Variants in OSBPL10 observed in about 807,000 individuals in gnomAD.
OSBPL10 encodes oxysterol binding protein like 10, also known as oxysterol-binding protein-related protein 10.
In OSBPL10, 49 loss-of-function variants were observed where a neutral mutation model predicts 81.7. That is an observed-to-expected ratio of 0.60 (90% CI 0.48 to 0.76). The LOEUF (loss-of-function observed/expected upper bound fraction) is 0.76, where lower values mean the gene tolerates loss of function less well. Ranked by LOEUF, OSBPL10 falls within the 30% of genes least tolerant of loss-of-function variation. OSBPL10 has a pLI of 0.00. For synonymous variants in OSBPL10, 419 were observed against 383.6 expected (o/e 1.09, Z -1.08); for missense variants, 923 against 987.8 (o/e 0.93, Z 0.88).
At chr3:31,856,654 A>T (rs1369267058) in intron 3 of OSBPL10, among the ~76,000 whole-genome samples, 1 of 152,248 alleles carries the variant, frequency 6.6e-6, no homozygotes, top group Non-Finnish European at 1.5e-5. Flanking sequence ...GAGATGCAGC[A>T]TATCTTACTT....
intron 4 of OSBPL10, among the ~76,000 whole-genome samples, chr3:31,779,557 A>G (rs981569692): frequency 3.3e-5 from 5 of 152,236 alleles, no homozygotes; most frequent in African/African-American, 9.6e-5. Flanking sequence ...AAATTTATAA[A>G]ACAATTATTA....
chr3:31,787,402 C>T (rs1698886296), intron 4 of OSBPL10, among the ~76,000 whole-genome samples: 1 of 152,044 alleles, frequency 6.6e-6, no homozygotes, highest in Non-Finnish European at 1.5e-5. Context: ...CCAGACCAGC[C>T]TGGCCAATAT....
intron 4 of OSBPL10, among the ~76,000 whole-genome samples, chr3:31,820,509 C>T (rs1031660643): frequency 1.3e-5 from 2 of 151,832 alleles, no homozygotes; most frequent in African/African-American, 4.8e-5. Flanking sequence ...GCAGAAGAAT[C>T]GCTTAAATCC....
At chr3:32,045,128 G>T (rs186891547) in intron 2 of OSBPL10, among the ~76,000 whole-genome samples, 1 of 152,168 alleles carries the variant, frequency 6.6e-6, no homozygotes, top group African/African-American at 2.4e-5. Context: ...TGGCATAGTG[G>T]GTGGGGCCAT....
At chr3:31,923,358 G>A (rs887521991) in intron 1 of OSBPL10, among the ~76,000 whole-genome samples, 8 of 152,214 alleles carry the variant, frequency 5.3e-5, no homozygotes, top group Admixed American at 4.6e-4. Flanking sequence ...CAGAGTGAAA[G>A]TTGTCAGTTT....
At chr3:31,769,435 A>C (rs1399551790) in intron 4 of OSBPL10, among the ~76,000 whole-genome samples, 2 of 121,514 alleles carry the variant, frequency 1.6e-5, no homozygotes, top group Non-Finnish European at 3.5e-5. Context: ...ACAAGAGCAA[A>C]ACTCCATCTC....
intron 1 of OSBPL10, among the ~76,000 whole-genome samples, chr3:31,925,472 C>T (rs1437265969): frequency 1.5e-5 from 2 of 136,628 alleles, no homozygotes; most frequent in Non-Finnish European, 3.1e-5. Flanking sequence ...TTAAATTCAT[C>T]ATGCAAAGCA....
intron 3 of OSBPL10, among the ~76,000 whole-genome samples, chr3:31,874,053 T>C (rs1239437739): frequency 1.3e-5 from 2 of 152,108 alleles, no homozygotes; most frequent in East Asian, 3.8e-4. Flanking sequence ...TCAGTATTCC[T>C]GAAGCTAACC....
At chr3:31,852,161 A>C (rs911968291) in intron 3 of OSBPL10, among the ~76,000 whole-genome samples, 1 of 152,136 alleles carries the variant, frequency 6.6e-6, no homozygotes, top group Non-Finnish European at 1.5e-5. Flanking sequence ...CAGTTTCCTC[A>C]TCTGCAGAAA....
chr3:31,788,775 C>T (rs1298130394), intron 4 of OSBPL10, among the ~76,000 whole-genome samples: 4 of 150,420 alleles, frequency 2.7e-5, no homozygotes, highest in African/African-American at 9.8e-5. Flanking sequence ...GAGACCTTGC[C>T]TCTAAAAAAA....
intron 4 of OSBPL10, among the ~76,000 whole-genome samples, chr3:31,828,743 G>A (rs1429528251): frequency 6.6e-6 from 1 of 152,144 alleles, no homozygotes; most frequent in Non-Finnish European, 1.5e-5. Context: ...ATGTTGGCCA[G>A]GCTGCTCTCG....
intron 1 of OSBPL10, among the ~76,000 whole-genome samples, chr3:31,949,662 T>C (rs2125442214): frequency 1.5e-5 from 1 of 67,482 alleles, no homozygotes; most frequent in Admixed American, 2.5e-4. Context: ...AGCAAGACTC[T>C]GTCTCAAAAA....
chr3:32,011,874 CGAGAA>C (rs1169354777), intron 2 of OSBPL10, among the ~76,000 whole-genome samples: 2 of 151,588 alleles, frequency 1.3e-5, no homozygotes, highest in Non-Finnish European at 1.5e-5. Flanking sequence ...TGAAATGAAG[CGAGAA>C]GAGAAGTCAG....
At position 32,065,124 on chromosome 3, in the gene OSBPL10, A is replaced by G. The variant is rs959529268; in HGVS notation, n.185+12272T>C. The G allele has an allele frequency of 1.3e-4, 12 of 92,672 alleles. 1 individual carries two copies. Among genetic ancestry groups the G allele is most frequent in the African/African-American group, 3.3e-4 (12 of 36,050 alleles). 5.7% of individuals were successfully genotyped at this position (92,672 alleles called of 1,614,324 possible). On this transcript the variant is annotated intron_variant and non_coding_transcript_variant, in intron 1 of 3. Transcript: ENST00000479173. ...TGTTCAATTCTGACTGTTTCATTTCACTGGATATGATGGCTTTTTACATGG... is the reference window on the plus strand; with the variant it reads ...TGTTCAATTCTGACTGTTTCATTTCGCTGGATATGATGGCTTTTTACATGG...
In OSBPL10 at chr3:31,769,445, C is replaced by CAAA. The variant is rs1213069221; in HGVS notation, c.730-21328_730-21326dup. Among the ~76,000 whole-genome samples, 32 of 10,832 alleles carry CAAA rather than the reference C, an allele frequency of 3.0e-3. 4 individuals carry two copies. Among genetic ancestry groups the CAAA allele is most frequent in the Non-Finnish European group, 4.7e-3 (18 of 3,822 alleles). 7.1% of individuals were successfully genotyped at this position (10,832 alleles called of 152,430 possible). ...GGGCAACAAGAGCAAAACTCCATCT[C>CAAA]AAAAAAAAAAAAACAAAAAAAAAAC... On this transcript the variant is annotated intron_variant, in intron 4 of 11. Transcript: ENST00000396556.
chr3:31,942,179 G>A (rs1385536840), intron 1 of OSBPL10, among the ~76,000 whole-genome samples: 1 of 152,162 alleles, frequency 6.6e-6, no homozygotes, highest in African/African-American at 2.4e-5. Flanking sequence ...GGAGGCTGAG[G>A]TAGAACAATG....
At chr3:31,943,605 A>G (rs2125429032) in intron 1 of OSBPL10, among the ~76,000 whole-genome samples, 1 of 152,316 alleles carries the variant, frequency 6.6e-6, no homozygotes, top group East Asian at 1.9e-4. Flanking sequence ...ACATACATGG[A>G]TATTTTAACT....
intron 1 of OSBPL10, among the ~76,000 whole-genome samples, chr3:31,949,624 C>T (rs1318495202): frequency 8.1e-6 from 1 of 124,184 alleles, no homozygotes; most frequent in Non-Finnish European, 1.6e-5. Flanking sequence ...GCTGAGATCA[C>T]CTCACTGCAC....
At chr3:31,991,150 C>A in intron 2 of OSBPL10, 1 of 727,220 alleles carries the variant, frequency 1.4e-6, no homozygotes, top group Non-Finnish European at 2.3e-6. Flanking sequence ...AAAGTGTTTA[C>A]GTTAAGAGGA....
Sources: allele counts gnomAD v4.1 joint callset (sites outside exome capture counted in the v4.1 genomes callset), GRCh38; gene constraint gnomAD v4.1.1; transcripts MANE v1.5; gene names NCBI Gene and HGNC (gene_info 2026-07-23, HGNC 2026-07-21).